The following C12orf50 variants were observed in gnomAD, a reference collection of about 807,000 sequenced individuals.
C12orf50 encodes uncharacterized protein C12orf50.
A neutral mutation model predicts 61.6 loss-of-function variants in C12orf50; 35 were observed. The ratio of observed to expected loss-of-function variants is 0.57; its 90% CI spans 0.43 to 0.75. The LOEUF is 0.75. Ranked by LOEUF, C12orf50 falls within the 30% of genes least tolerant of loss-of-function variation. C12orf50 has a pLI of 0.00. For synonymous variants in C12orf50, 178 were observed against 161.5 expected (o/e 1.10, Z -0.77); for missense variants, 475 against 488.5 (o/e 0.97, Z 0.26).
intron 9 of C12orf50, among the ~76,000 whole-genome samples, chr12:87,987,078 G>T (rs1355540298): frequency 1.3e-5 from 2 of 152,028 alleles, no homozygotes; most frequent in African/African-American, 2.4e-5. Context: ...ACTGTGCAAG[G>T]CTCCTGAAAA....
rs2032738506 is a variant in C12orf50 at position 88,027,149 on chromosome 12, A to C, written c.-108-79T>G. 5 of 1,365,942 alleles carry C rather than the reference A, an allele frequency of 3.7e-6. No homozygotes were observed. The South Asian group carries it at 7.3e-5, about 20-fold the overall frequency. 84.6% of individuals were successfully genotyped at this position (1,365,942 alleles called of 1,614,324 possible). A position where few individuals can be genotyped will look rare whatever the true frequency, so the allele number is the denominator to read the frequency against. Reference sequence around the variant, plus strand: ...AACAACAATAGGTTGCTAATTAGTTAAACGAAATATGAGTAGATTACACTA... The same window carrying C: ...AACAACAATAGGTTGCTAATTAGTTCAACGAAATATGAGTAGATTACACTA... On this transcript the variant is annotated intron_variant, in intron 1 of 12. Coordinates refer to ENST00000298699, the MANE Select transcript of C12orf50 (RefSeq NM_152589.3).
At chr12:87,983,429 A>C (rs2030626827) in intron 11 of C12orf50, 1 of 244,178 alleles carries the variant, frequency 4.1e-6, no homozygotes, top group Non-Finnish European at 8.0e-6. Flanking sequence ...TTTAGGGTAC[A>C]TGTGCACAAT....
intron 3 of C12orf50, among the ~76,000 whole-genome samples, chr12:88,023,724 G>A (rs529619052): frequency 6.6e-6 from 1 of 150,616 alleles, no homozygotes; most frequent in South Asian, 2.1e-4. Flanking sequence ...ATACCATTCT[G>A]GATATAGGAC....
chr12:88,025,493 G>T (rs2032668585), intron 3 of C12orf50, among the ~76,000 whole-genome samples: 1 of 152,220 alleles, frequency 6.6e-6, no homozygotes, highest in Admixed American at 6.5e-5. Flanking sequence ...GTACCATGTA[G>T]TGTTATTGGC....
intron 3 of C12orf50, among the ~76,000 whole-genome samples, chr12:87,998,729 G>A (rs1053155884): frequency 6.6e-6 from 1 of 152,100 alleles, no homozygotes; most frequent in Admixed American, 6.6e-5. Flanking sequence ...AGACTATCTG[G>A]ACTAGCATAA....
intron 3 of C12orf50, among the ~76,000 whole-genome samples, chr12:87,999,346 G>A (rs1389011347): frequency 6.6e-6 from 1 of 152,100 alleles, no homozygotes; most frequent in Non-Finnish European, 1.5e-5. Flanking sequence ...CATCACTTAA[G>A]CCTGAGAGGT....
intron 9 of C12orf50, 130 bp from the exon 10 acceptor site, chr12:87,986,546 A>G: frequency 1.9e-6 from 1 of 522,004 alleles, no homozygotes; most frequent in Non-Finnish European, 3.2e-6. Flanking sequence ...CCATCCTAAC[A>G]CTTTACTTTT....
chr12:88,014,796 C>A (rs189219097), intron 3 of C12orf50, among the ~76,000 whole-genome samples: 130 of 152,274 alleles, frequency 8.5e-4, no homozygotes, highest in African/African-American at 2.9e-3. Flanking sequence ...TCCAGCATAG[C>A]GCTGCCACAC....
chr12:88,019,122 C>T (rs2136485792), intron 3 of C12orf50, among the ~76,000 whole-genome samples: 1 of 152,240 alleles, frequency 6.6e-6, no homozygotes, highest in Non-Finnish European at 1.5e-5. Flanking sequence ...ACCCAAATCT[C>T]ATCTTGAATT....
chr12:87,985,919 T>C lies in C12orf50; in HGVS notation c.1057A>G (p.Ser353Gly). The C allele has an allele frequency of 5.6e-6, 9 of 1,613,858 alleles. No homozygotes were observed. Among genetic ancestry groups the C allele is most frequent in the Non-Finnish European group, 7.6e-6 (9 of 1,179,878 alleles). ...TTGTAGGACCCATGCGTGGGCCTGC[T>C]GCGGGAAGGTGCATTCAACGCGACA... is the stretch of plus-strand genomic sequence containing the variant. ...RTVALNAPSRSRPTHGSYNKV... is the reference protein window; with the variant it reads ...RTVALNAPSRGRPTHGSYNKV... Residue 353 changes from serine to glycine, a missense_variant, in exon 11 of 13, where the codon AGC (serine) becomes GGC (glycine). Physicochemically the swap from Ser to Gly is moderately conservative, Grantham distance 56 (BLOSUM62 0). Transcript: ENST00000298699.
At chr12:88,020,714 C>T (rs1166107893) in intron 3 of C12orf50, among the ~76,000 whole-genome samples, 3 of 152,016 alleles carry the variant, frequency 2.0e-5, no homozygotes, top group Non-Finnish European at 1.5e-5. Context: ...ACTCTCCACC[C>T]CAAAACAACA....
At chr12:88,005,865 G>GTAGTAGAC (rs2031844035) in intron 3 of C12orf50, among the ~76,000 whole-genome samples, 2 of 147,684 alleles carry the variant, frequency 1.4e-5, no homozygotes, top group African/African-American at 5.0e-5. Context: ...TAGATCAGAA[G>GTAGTAGAC]TAGTAGACTA....
chr12:87,986,608 T>C (rs1036184958), intron 9 of C12orf50, among the ~76,000 whole-genome samples, 192 bp from the exon 10 acceptor site: 3 of 152,136 alleles, frequency 2.0e-5, no homozygotes, highest in African/African-American at 7.2e-5. Flanking sequence ...ATCTTGGAAA[T>C]AGATTGATGA....
intron 3 of C12orf50, among the ~76,000 whole-genome samples, chr12:88,008,096 C>T (rs944930396): frequency 2.0e-5 from 3 of 151,470 alleles, no homozygotes; most frequent in African/African-American, 4.9e-5. Context: ...CAGGGGTACA[C>T]GTGCAGGTTT....
intron 6 of C12orf50, among the ~76,000 whole-genome samples, chr12:87,995,278 G>GA (rs34402575): frequency 0.023 from 3,525 of 152,142 alleles, 143 homozygotes; most frequent in African/African-American, 0.079. Context: ...TAGACTAGGG[G>GA]AAAAAATTTA....
chr12:87,995,203 A>G (rs1019539644), intron 6 of C12orf50, among the ~76,000 whole-genome samples: 2 of 152,170 alleles, frequency 1.3e-5, no homozygotes, highest in Admixed American at 6.5e-5. Flanking sequence ...TCTAAAATAA[A>G]CTATTAAAAG....
chr12:87,991,758 T>C (rs562498188), intron 7 of C12orf50, among the ~76,000 whole-genome samples: 2 of 152,262 alleles, frequency 1.3e-5, no homozygotes, highest in South Asian at 2.1e-4. Context: ...TGGGTAAGGA[T>C]ACAGAGCAAG....
chr12:87,980,435 C>G, intron 12 of C12orf50, 79 bp from the exon 13 acceptor site: 1 of 1,250,094 alleles, frequency 8.0e-7, no homozygotes, highest in Non-Finnish European at 1.2e-6. Flanking sequence ...TTGCTAATTA[C>G]TTGCCGTAAA....
chr12:88,026,404 C>CT, intron 3 of C12orf50, 84 bp downstream of exon 3: 1 of 1,465,070 alleles, frequency 6.8e-7, no homozygotes, highest in East Asian at 2.3e-5. Context: ...CCTTGTCATA[C>CT]TTTTTAAATG....
Sources: allele counts gnomAD v4.1 joint callset (sites outside exome capture counted in the v4.1 genomes callset), GRCh38; gene constraint gnomAD v4.1.1; transcripts MANE v1.5; gene names NCBI Gene and HGNC (gene_info 2026-07-23, HGNC 2026-07-21).